ATAD2: variants seen among roughly 807,000 people sequenced by gnomAD.
The protein encoded by ATAD2 is ATPase family AAA domain containing 2.
A neutral mutation model predicts 168.9 loss-of-function variants in ATAD2; 62 were observed. The observed-to-expected ratio is 0.37, with a 90% CI of 0.30 to 0.45. The LOEUF (loss-of-function observed/expected upper bound fraction) is 0.45, where lower values mean the gene tolerates loss of function less well. Ranked by LOEUF, ATAD2 falls within the 20% of genes least tolerant of loss-of-function variation. The pLI is 1.00. For missense variants in ATAD2, 1,419 were observed against 1,667.8 expected (o/e 0.85, Z 2.60); for synonymous variants, 613 against 571.6 (o/e 1.07, Z -1.03).
At chr8:123,357,525 C>A in intron 12 of ATAD2, 37 bp downstream of exon 12, 1 of 1,553,134 alleles carries the variant, frequency 6.4e-7, no homozygotes, top group Non-Finnish European at 8.7e-7. Context: ...GCCTAGATTA[C>A]AGAACTATCC....
In ATAD2 at chr8:123,371,023, T is replaced by A. The variant is rs770091905; in HGVS notation, c.640-33A>T. The A allele has an allele frequency of 2.7e-6, 4 of 1,462,314 alleles. No homozygotes were observed. In the East Asian group the frequency reaches 7.0e-5, roughly 26 times the overall value. 90.6% of individuals were successfully genotyped at this position (1,462,314 alleles called of 1,614,324 possible). On this transcript the variant is annotated intron_variant, in intron 5 of 27. Transcript: ENST00000287394. ...TGTTTAAATAAAAGCCATTAACATT[T>A]GGAATCTATTTATTAAAAAAATTAA...
chr8:123,380,091 G>A (rs944138126), intron 2 of ATAD2, among the ~76,000 whole-genome samples: 19 of 151,270 alleles, frequency 1.3e-4, no homozygotes, highest in Non-Finnish European at 2.2e-4. Flanking sequence ...TCGCTCTGTC[G>A]CCCAGGCTGA....
At chr8:123,381,950 G>A (rs1359334151) in intron 1 of ATAD2, among the ~76,000 whole-genome samples, 1 of 151,946 alleles carries the variant, frequency 6.6e-6, no homozygotes, top group Non-Finnish European at 1.5e-5. Context: ...GGAGGCTGAG[G>A]CAAGAGAATC....
At chr8:123,353,503 C>T (rs528444478) in intron 13 of ATAD2, among the ~76,000 whole-genome samples, 22 of 152,242 alleles carry the variant, frequency 1.4e-4, no homozygotes, top group African/African-American at 5.3e-4. Flanking sequence ...CAAATTGTTT[C>T]ATCTTCAGCC....
intron 21 of ATAD2, 66 bp from the exon 22 acceptor site, chr8:123,336,598 G>A (rs973600684): frequency 8.0e-6 from 10 of 1,256,324 alleles, no homozygotes; most frequent in South Asian, 3.7e-5. Flanking sequence ...GTCAAGTTTC[G>A]ATGCCAGGCA....
intron 8 of ATAD2, 121 bp from the exon 9 acceptor site, chr8:123,361,767 T>G: frequency 1.5e-6 from 1 of 653,406 alleles, no homozygotes; most frequent in Non-Finnish European, 2.6e-6. Flanking sequence ...ATACATCTGC[T>G]GACCCACTGA....
At position 123,353,567 on chromosome 8, in the gene ATAD2, A is replaced by G. The variant is rs548460826; in HGVS notation, c.1646+2822T>C. Reference sequence around the variant, plus strand: ...ATGTCATTCTGGTACGATTCCAGTAATTTTTTTTTTTTATTGCTTTCAGGC... The same window carrying G: ...ATGTCATTCTGGTACGATTCCAGTAGTTTTTTTTTTTTATTGCTTTCAGGC... On this transcript the variant is annotated intron_variant, in intron 13 of 27. Transcript: ENST00000287394. Among the ~76,000 whole-genome samples, 6 of 147,008 alleles carry G rather than the reference A, an allele frequency of 4.1e-5. No homozygotes were observed. The South Asian group carries it at 1.3e-3, about 31-fold the overall frequency.
chr8:123,376,393 C>A (rs965164221), intron 2 of ATAD2, among the ~76,000 whole-genome samples: 1 of 150,552 alleles, frequency 6.6e-6, no homozygotes, highest in Non-Finnish European at 1.5e-5. Context: ...GCGACAAGAG[C>A]AAAACTCTGT....
intron 1 of ATAD2, among the ~76,000 whole-genome samples, chr8:123,382,589 C>A (rs1001100562): frequency 6.6e-6 from 1 of 152,202 alleles, no homozygotes; most frequent in African/African-American, 2.4e-5. Flanking sequence ...AAGGCACAAG[C>A]CATCCCATTC....
chr8:123,326,714 C>T (rs1405471862), intron 25 of ATAD2, among the ~76,000 whole-genome samples: 6 of 152,080 alleles, frequency 3.9e-5, no homozygotes, highest in Non-Finnish European at 8.8e-5. Context: ...TCCATTTTAT[C>T]TACTGTCAAT....
At chr8:123,353,365 AAAC>A (rs554418047) in intron 13 of ATAD2, among the ~76,000 whole-genome samples, 22 of 152,022 alleles carry the variant, frequency 1.4e-4, no homozygotes, top group South Asian at 4.2e-4. Context: ...CTCTGTCACA[AAAC>A]AACAACAACA....
At position 123,380,635 on chromosome 8, in the gene ATAD2, G is replaced by A. The variant is rs1299061929; in HGVS notation, c.214C>T (p.Arg72Cys). ...TCTTTTCTCAAAGATCTTAAAGCAC[G>A]TGTCCGGTGGTAGGTTTCAACTTCC... is the stretch of plus-strand genomic sequence containing the variant. ...VKEVETYHRT[R>C]ALRSLRKDAQ... is the part of the protein sequence containing the mutation. Residue 72 changes from arginine (R) to cysteine (C), a missense_variant, in exon 2 of 28, where the codon CGT becomes TGT. Coordinates refer to ENST00000287394, the MANE Select transcript of ATAD2 (RefSeq NM_014109.4). 6 of 1,613,860 alleles carry A rather than the reference G, an allele frequency of 3.7e-6. No homozygotes were observed. The African/African-American group carries it at 4.0e-5, about 11-fold the overall frequency.
chr8:123,328,084 C>T, intron 25 of ATAD2, 106 bp downstream of exon 25: 2 of 910,280 alleles, frequency 2.2e-6, no homozygotes, highest in South Asian at 3.4e-5. Flanking sequence ...AACATCTGCT[C>T]TCTGAAAGGC....
At chr8:123,371,918 A>G (rs1829160995) in intron 3 of ATAD2, 83 bp from the exon 4 acceptor site, 1 of 1,271,582 alleles carries the variant, frequency 7.9e-7, no homozygotes, top group South Asian at 1.9e-5. Flanking sequence ...AACAATTGAA[A>G]AGCTATACTT....
intron 21 of ATAD2, among the ~76,000 whole-genome samples, chr8:123,337,225 T>C (rs1220684789): frequency 6.6e-6 from 1 of 151,820 alleles, no homozygotes; most frequent in Non-Finnish European, 1.5e-5. Flanking sequence ...TAGCTGGACG[T>C]GGTGGCACAC....
chr8:123,325,855 T>C, intron 26 of ATAD2, 38 bp downstream of exon 26: 1 of 1,605,626 alleles, frequency 6.2e-7, no homozygotes, highest in Non-Finnish European at 8.5e-7. Context: ...GGATTAGTAA[T>C]CTGCAGAGTA....
At chr8:123,393,892 G>A (rs1159886089) in intron 1 of ATAD2, among the ~76,000 whole-genome samples, 1 of 152,104 alleles carries the variant, frequency 6.6e-6, no homozygotes, top group Non-Finnish European at 1.5e-5. Flanking sequence ...ACTCCAGCCT[G>A]GGTGACAGAG....
intron 8 of ATAD2, among the ~76,000 whole-genome samples, chr8:123,366,847 T>C (rs371769816): frequency 6.6e-6 from 1 of 151,318 alleles, no homozygotes; most frequent in African/African-American, 2.4e-5. Flanking sequence ...AACTTACTCA[T>C]GTAACCAAAT....
At chr8:123,415,810 G>C (rs1376333976) in intron 1 of ATAD2, among the ~76,000 whole-genome samples, 5 of 152,090 alleles carry the variant, frequency 3.3e-5, no homozygotes, top group South Asian at 2.1e-4. Context: ...GGCCAGGCTC[G>C]TCTCGAACCC....
Sources: gnomAD v4.1 joint callset for allele counts (sites outside exome capture counted in the v4.1 genomes callset) on GRCh38, gnomAD v4.1.1 for gene constraint, MANE v1.5 for transcripts, NCBI Gene and HGNC (gene_info 2026-07-23, HGNC 2026-07-21) for gene names.